Variants in GPR153 observed in about 807,000 individuals in gnomAD.
GPR153 encodes probable G protein-coupled receptor 153.
In GPR153, 27 loss-of-function variants were observed where a neutral mutation model predicts 34.1. That is an observed-to-expected ratio of 0.79 (90% confidence interval 0.58 to 1.09). The LOEUF (loss-of-function observed/expected upper bound fraction) is 1.09, where lower values mean the gene tolerates loss of function less well. Among genes scored for constraint, GPR153 ranks in the 50% least tolerant of loss-of-function variants. The probability of loss-of-function intolerance (pLI) is 0.00; values close to 1 mark genes in which losing one functional copy is unlikely to be tolerated. For synonymous variants in GPR153, 408 were observed against 405.4 expected, an observed-to-expected ratio of 1.01 and a Z score of -0.08; for missense variants, 848 against 860.2, an observed-to-expected ratio of 0.99 and a Z score of 0.18.
At chr1:6,250,395 C>T (rs1159967000) in intron 5 of GPR153, 45 bp downstream of exon 5, 25 of 1,524,778 alleles carry the variant, frequency 1.6e-5, no homozygotes, top group Non-Finnish European at 2.0e-5. Flanking sequence ...GCTCAGGACA[C>T]CCTGTCACCC....
rs1479168417 is a variant in GPR153 at position 6,249,697 on chromosome 1, G to A, written c.1471C>T (p.Pro491Ser). ...AGCAGCGAGGCCGAGGCGGAGCGGG[G>A]GCCGGGCCCGGGGCGGCGGCGCGGG... ...GSPRRRPGPG[P>S]RSASASLLPD... Residue 491 changes from proline (P) to serine (S), a missense_variant, in exon 6 of 6, where the codon CCC becomes TCC. Physicochemically the swap from Pro to Ser is moderately conservative, Grantham distance 74 (BLOSUM62 -1). Coordinates refer to ENST00000377893, the MANE Select transcript of GPR153 (RefSeq NM_207370.4). This position sits in a 1 kb window ranked among gnomAD's most constrained non-coding sequence, Gnocchi z 4.3. 1.9e-6 allele frequency: 2 copies of A among 1,039,816 alleles called. No individual in the cohort carries two copies. Among genetic ancestry groups the A allele is most frequent in the Non-Finnish European group, 1.2e-6 (1 of 867,452 alleles). 64.4% of individuals were successfully genotyped at this position (1,039,816 alleles called of 1,614,324 possible). A position where few individuals can be genotyped will look rare whatever the true frequency, so the allele number is the denominator to read the frequency against.
At chr1:6,252,773 A>AG (rs1229002697) in intron 3 of GPR153, among the ~76,000 whole-genome samples, 1 of 152,130 alleles carries the variant, frequency 6.6e-6, no homozygotes, top group Non-Finnish European at 1.5e-5. Context: ...AGAGTCCTGC[A>AG]GGGGGCAGGG....
At chr1:6,250,088 C>T (rs1638407516) in intron 5 of GPR153, 85 bp from the exon 6 acceptor site, 26 of 1,279,752 alleles carry the variant, frequency 2.0e-5, no homozygotes, top group Non-Finnish European at 2.6e-5. Context: ...GAAAGGCCTT[C>T]CGTGGGTCAG....
At position 6,251,480 on chromosome 1, in the gene GPR153, T is replaced by A. The variant is rs771310057; in HGVS notation, c.837A>T (p.Ala279=). 1 of 1,612,670 alleles carries A rather than the reference T, an allele frequency of 6.2e-7. No individual in the cohort carries two copies. ...CCACGGAGCACCACAGCACGCAGAG[T>A]GCCATCCAGGGCGCTGAGGCGTCGG... is the stretch of plus-strand genomic sequence containing the variant. The part of the protein sequence containing the change: ...LRADASAPWM[A]LCVLWCSVAQ... The change falls in exon 4 of 6, where the codon GCA becomes GCT. Residue 279 remains alanine (A), a synonymous_variant. Coordinates refer to ENST00000377893, the MANE Select transcript of GPR153 (RefSeq NM_207370.4). The surrounding 1 kb of genome is among the most constrained non-coding windows in gnomAD (Gnocchi z 4.9).
At chr1:6,258,003 C>T (rs796789197) in intron 1 of GPR153, among the ~76,000 whole-genome samples, 2 of 152,332 alleles carry the variant, frequency 1.3e-5, no homozygotes, top group African/African-American at 4.8e-5. Context: ...AGATACGCCC[C>T]ATGTCCCCCA....
In GPR153 at chr1:6,251,006, C is replaced by T. The variant is rs1387817713; in HGVS notation, c.979+332G>A. Among the ~76,000 whole-genome samples, 1 of 152,082 alleles carries T rather than the reference C, an allele frequency of 6.6e-6. No individual in the cohort carries two copies. The highest frequency in any genetic ancestry group is 1.9e-4 in the East Asian group (1 of 5,184). ...GACAGGACCTCGGTCTGCAGGAGCC[C>T]CCAGGGCAGCTTGCTGGGGATCCCT... On this transcript the variant is annotated intron_variant, in intron 4 of 5. Transcript: ENST00000377893. This position sits in a 1 kb window ranked among gnomAD's most constrained non-coding sequence, Gnocchi z 4.9.
chr1:6,247,524 C>G lies in GPR153; in HGVS notation c.*1814G>C, dbSNP rs1044194440. 1 of 152,198 alleles carries G rather than the reference C, an allele frequency of 6.6e-6. No individual in the cohort carries two copies. Among genetic ancestry groups the G allele is most frequent in the African/African-American group, 2.4e-5 (1 of 41,430 alleles). 9.4% of individuals were successfully genotyped at this position (152,198 alleles called of 1,614,324 possible). A position where few individuals can be genotyped will look rare whatever the true frequency, so the allele number is the denominator to read the frequency against. On this transcript the variant is annotated 3_prime_UTR_variant, in exon 6 of 6. Transcript: ENST00000377893. The stretch of plus-strand genomic sequence containing the variant: ...CAAAGTTTGGGAGGGAGCTCCAGGC[C>G]CAGGGTCCTCCACTTGGGGTCTCCC...
rs1638448690 is a variant in GPR153, at chr1:6,251,510, C to T, written c.807G>A (p.Leu269=). 6.2e-7 allele frequency: 1 copy of T among 1,603,812 alleles called. No individual in the cohort carries two copies. The highest frequency in any genetic ancestry group is 1.1e-5 in the South Asian group (1 of 90,092). ...TCCAGGGCGCTGAGGCGTCGGCCCGCAGGCTGCTGAAGCTCACCACCTGTG... is the reference window on the plus strand; with the variant it reads ...TCCAGGGCGCTGAGGCGTCGGCCCGTAGGCTGCTGAAGCTCACCACCTGTG... The part of the protein sequence containing the change: ...FPVLVVSFSS[L]RADASAPWMA... The change falls in exon 4 of 6, where the codon CTG becomes CTA. Residue 269 remains leucine, a synonymous_variant. Coordinates refer to ENST00000377893, the MANE Select transcript of GPR153 (RefSeq NM_207370.4). This position sits in a 1 kb window ranked among gnomAD's most constrained non-coding sequence, Gnocchi z 4.9.
intron 1 of GPR153, among the ~76,000 whole-genome samples, chr1:6,257,814 C>T (rs550397892): frequency 2.4e-4 from 37 of 152,368 alleles, no homozygotes; most frequent in Non-Finnish European, 4.4e-4. Flanking sequence ...TTCCCTCACC[C>T]TTCCCAGCCT....
intron 1 of GPR153, among the ~76,000 whole-genome samples, chr1:6,256,366 C>A (rs994893659): frequency 1.0e-4 from 14 of 134,604 alleles, no homozygotes; most frequent in African/African-American, 1.6e-4. Context: ...TTTTTTAAAT[C>A]TTTCTTTTCT....
Position 6,254,791 on chromosome 1 carries a change from A to G in GPR153, c.115T>C (p.Trp39Arg), listed in dbSNP as rs767156769. ...ILSVGAKQKK[W>R]KPLEFLLCTL... ...CACAGCAGGAACTCCAAGGGCTTCCACTTCTTCTGCTTGGCGCCAACGCTG... is the reference window on the plus strand; with the variant it reads ...CACAGCAGGAACTCCAAGGGCTTCCGCTTCTTCTGCTTGGCGCCAACGCTG... Residue 39 changes from tryptophan (W) to arginine (R), a missense_variant, in exon 2 of 6, where the codon TGG (tryptophan) becomes CGG (arginine). Coordinates refer to ENST00000377893, the MANE Select transcript of GPR153 (RefSeq NM_207370.4). 1.2e-6 allele frequency: 2 copies of G among 1,613,626 alleles called. No individual in the cohort carries two copies.
Position 6,254,666 on chromosome 1 carries a change from C to T in GPR153, c.240G>A (p.Glu80=), listed in dbSNP as rs1308669744. The change falls in exon 2 of 6, where the codon GAG becomes GAA. Residue 80 remains glutamate (E), a synonymous_variant. Transcript: ENST00000377893. ...RRQRPDFEWN[E]GLCKVFVSTF... Reference sequence around the variant, plus strand: ...TGGACACGAAGACCTTGCAGAGACCCTCATTCCACTCGAAGTCGGGGCGCT... The same window carrying T: ...TGGACACGAAGACCTTGCAGAGACCTTCATTCCACTCGAAGTCGGGGCGCT... 8.1e-6 allele frequency: 13 copies of T among 1,613,880 alleles called. No homozygotes were observed. Among genetic ancestry groups the T allele is most frequent in the Admixed American group, 6.7e-5 (4 of 60,008 alleles).
chr1:6,251,401 CAGCCCGGTAGCGGTCGCAGGCCCAG>C lies in GPR153; in HGVS notation c.891_915del (p.Trp298ThrfsTer50), dbSNP rs765914866. The C allele has an allele frequency of 5.0e-6, 8 of 1,613,614 alleles. No individual in the cohort carries two copies. Among genetic ancestry groups the C allele is most frequent in the Non-Finnish European group, 6.8e-6 (8 of 1,179,938 alleles). On this transcript the variant is annotated frameshift_variant, in exon 4 of 6. Transcript: ENST00000377893. LOFTEE classifies it high-confidence loss of function. This position sits in a 1 kb window ranked among gnomAD's most constrained non-coding sequence, Gnocchi z 4.9. ...CACTTCTCCCGGACAGCTTTGAGGT[CAGCCCGGTAGCGGTCGCAGGCCCAG>C]AGGAACACAGGCAGCAGCAGGGCCT... is the stretch of plus-strand genomic sequence containing the variant.
rs1247327050 is a variant in GPR153 at position 6,261,000 on chromosome 1, T to C, written c.-285A>G. On this transcript the variant is annotated 5_prime_UTR_variant, in exon 1 of 6. Coordinates refer to ENST00000377893, the MANE Select transcript of GPR153 (RefSeq NM_207370.4). Reference sequence around the variant, plus strand: ...GCCACCGGCGGCCGGCGCGCTCCGCTAGGTGGGCTCGGCCCCGCCGCCCCT... The same window carrying C: ...GCCACCGGCGGCCGGCGCGCTCCGCCAGGTGGGCTCGGCCCCGCCGCCCCT... 2.7e-5 allele frequency: 4 copies of C among 145,470 alleles called. No homozygotes were observed. Among genetic ancestry groups the C allele is most frequent in the Non-Finnish European group, 4.6e-5 (3 of 65,616 alleles). The allele number at this position is 145,470 out of a possible 1,614,324, so 9.0% of individuals were successfully genotyped here.
Position 6,254,969 on chromosome 1 carries a change from C to T in GPR153, c.-64G>A. 1 of 1,293,906 alleles carries T rather than the reference C, an allele frequency of 7.7e-7. No homozygotes were observed. The highest frequency in any genetic ancestry group is 1.5e-5 in the South Asian group (1 of 67,558). The allele number at this position is 1,293,906 out of a possible 1,614,324, so 80.2% of individuals were successfully genotyped here. A position where few individuals can be genotyped will look rare whatever the true frequency, so the allele number is the denominator to read the frequency against. ...CTTGGAGCCAGGTCTCAGGGAGCAG[C>T]AGCCCTCACTCCTGGTGGCTCAAGG... On this transcript the variant is annotated 5_prime_UTR_variant, in exon 2 of 6. Transcript: ENST00000377893.
chr1:6,259,314 C>T (rs947928907), intron 1 of GPR153, among the ~76,000 whole-genome samples: 21 of 152,122 alleles, frequency 1.4e-4, no homozygotes, highest in African/African-American at 4.8e-4. Context: ...TCCTCTTGCA[C>T]ACGGGCATGC....
intron 3 of GPR153, among the ~76,000 whole-genome samples, chr1:6,253,319 C>A (rs1410448949): frequency 2.0e-5 from 3 of 152,186 alleles, no homozygotes; most frequent in East Asian, 3.9e-4. Context: ...TCGCTTGAAC[C>A]CAGGAGGCAG....
Position 6,251,540 on chromosome 1 carries a change from C to A in GPR153, c.787-10G>T, listed in dbSNP as rs1638449304. ...TGCTGAAGCTCACCACCTGTGGGCA[C>A]AGGGCTCGGCCTGGCACCTGCAGGA... On this transcript the variant is annotated splice_polypyrimidine_tract_variant and intron_variant, in intron 3 of 5. Coordinates refer to ENST00000377893, the MANE Select transcript of GPR153 (RefSeq NM_207370.4). The surrounding 1 kb of genome is among the most constrained non-coding windows in gnomAD (Gnocchi z 4.9). The A allele has an allele frequency of 6.3e-7, 1 of 1,576,308 alleles. No individual in the cohort carries two copies. Among genetic ancestry groups the A allele is most frequent in the South Asian group, 1.2e-5 (1 of 86,910 alleles).
In GPR153 at chr1:6,247,804, G is replaced by T. The variant is rs1638334702; in HGVS notation, c.*1534C>A. Reference sequence around the variant, plus strand: ...AGAGATGGCCCCTCCCGCGGCCAGGGCTGGATTGCAGTTCCCTGCCTTGCT... The same window carrying T: ...AGAGATGGCCCCTCCCGCGGCCAGGTCTGGATTGCAGTTCCCTGCCTTGCT... On this transcript the variant is annotated 3_prime_UTR_variant, in exon 6 of 6. Transcript: ENST00000377893. 6.6e-6 allele frequency: 1 copy of T among 152,312 alleles called. No individual in the cohort carries two copies. Among genetic ancestry groups the T allele is most frequent in the African/African-American group, 2.4e-5 (1 of 41,460 alleles). 9.4% of individuals were successfully genotyped at this position (152,312 alleles called of 1,614,324 possible).
Sources: gnomAD v4.1 joint callset for allele counts (sites outside exome capture counted in the v4.1 genomes callset) on GRCh38, gnomAD v4.1.1 for gene constraint, Gnocchi (gnomAD v3.1) non-coding constraint, MANE v1.5 for transcripts, NCBI Gene and HGNC (gene_info 2026-07-23, HGNC 2026-07-21) for gene names.